The following KLHL3 variants were observed in gnomAD, a reference collection of about 807,000 sequenced individuals.
KLHL3 encodes the protein kelch like family member 3.
Under a neutral mutation model 70.5 loss-of-function variants are expected in KLHL3, and 19 were observed. The observed-to-expected ratio is 0.27, with a 90% confidence interval of 0.19 to 0.40. KLHL3 has a LOEUF of 0.40. Among genes scored for constraint, KLHL3 ranks in the 10% least tolerant of loss-of-function variants. The pLI, the probability that KLHL3 is intolerant of heterozygous loss-of-function variation, is 1.00. For synonymous variants in KLHL3, 258 were observed against 290.3 expected (o/e 0.89, Z 1.13); for missense variants, 512 against 771.1 (o/e 0.66, Z 3.98).
At chr5:137,700,489 G>A (rs997607452) in intron 3 of KLHL3, among the ~76,000 whole-genome samples, 3 of 152,150 alleles carry the variant, frequency 2.0e-5, no homozygotes, top group African/African-American at 7.2e-5. Context: ...TTAGGGTTTT[G>A]TAACTTTGGG....
intron 6 of KLHL3, among the ~76,000 whole-genome samples, chr5:137,668,247 T>C (rs1438206212): frequency 6.6e-6 from 1 of 152,074 alleles, no homozygotes; most frequent in African/African-American, 2.4e-5. Flanking sequence ...CCATCTCTAC[T>C]AAAAACACAA....
intron 6 of KLHL3, chr5:137,674,034 G>C (rs1462474102): frequency 6.6e-6 from 1 of 152,176 alleles, no homozygotes; most frequent in Non-Finnish European, 1.5e-5. Flanking sequence ...ACTAGGAGCA[G>C]TACTAGTAGT....
chr5:137,639,004 C>T lies in KLHL3; in HGVS notation c.1168G>A (p.Ala390Thr). 2 of 1,614,208 alleles carry T rather than the reference C, an allele frequency of 1.2e-6. No individual in the cohort carries two copies. Among genetic ancestry groups the T allele is most frequent in the East Asian group, 2.2e-5 (1 of 44,882 alleles). Residue 390 changes from alanine to threonine, a missense_variant, in exon 10 of 15, where the codon GCG becomes ACG. By Grantham distance (58) the Ala-to-Thr change is moderately conservative. Coordinates refer to ENST00000309755, the MANE Select transcript of KLHL3 (RefSeq NM_017415.3). This position sits in a 1 kb window ranked among gnomAD's most constrained non-coding sequence, Gnocchi z 5.0. The stretch of plus-strand genomic sequence containing the variant: ...GCGTAGAGCAAGTCATTGAGCACCG[C>T]TGCGCCCAGTGTGCTCCGGCGCTCC... ...MQERRSTLGA[A>T]VLNDLLYAVG...
intron 2 of KLHL3, among the ~76,000 whole-genome samples, chr5:137,716,922 A>G (rs1752905295): frequency 6.6e-6 from 1 of 152,192 alleles, no homozygotes; most frequent in South Asian, 2.1e-4. Context: ...CCTTCCCATC[A>G]TGGCTGAGAA....
chr5:137,662,280 CACACAA>C (rs953340436), intron 6 of KLHL3, among the ~76,000 whole-genome samples: 2 of 146,824 alleles, frequency 1.4e-5, no homozygotes, highest in African/African-American at 5.3e-5. Flanking sequence ...CACACACACA[CACACAA>C]GGACAAACCT....
intron 2 of KLHL3, 147 bp downstream of exon 2, chr5:137,720,318 G>A (rs1357383603): frequency 4.5e-6 from 4 of 895,768 alleles, no homozygotes; most frequent in Non-Finnish European, 6.7e-6. Context: ...AAAAAAGAGA[G>A]AAAGAAAGGG....
intron 4 of KLHL3, among the ~76,000 whole-genome samples, chr5:137,693,102 T>A (rs1018264970): frequency 2.6e-5 from 4 of 152,198 alleles, no homozygotes; most frequent in African/African-American, 4.8e-5. Flanking sequence ...TGAACATCTA[T>A]GTGCCAGGCA....
At position 137,633,891 on chromosome 5, in the gene KLHL3, C is replaced by G. The variant is rs1750703428; in HGVS notation, c.1450+146G>C. On this transcript the variant is annotated intron_variant, in intron 12 of 14. Coordinates refer to ENST00000309755, the MANE Select transcript of KLHL3 (RefSeq NM_017415.3). ...GGTCACTATTTGCGTGATGGGTACACTAGAAGCCCAAACTCGACCATTATG... is the reference window on the plus strand; with the variant it reads ...GGTCACTATTTGCGTGATGGGTACAGTAGAAGCCCAAACTCGACCATTATG... The G allele has an allele frequency of 9.4e-6, 10 of 1,065,994 alleles. No individual in the cohort carries two copies. The East Asian group carries it at 2.4e-4, about 25-fold the overall frequency. 66.0% of individuals were successfully genotyped at this position (1,065,994 alleles called of 1,614,324 possible). A position where few individuals can be genotyped will look rare whatever the true frequency, so the allele number is the denominator to read the frequency against.
In KLHL3 at chr5:137,665,293, G is replaced by A. The variant is rs189044063; in HGVS notation, c.637-3262C>T. 3.7e-3 allele frequency among the ~76,000 whole-genome samples: 560 copies of A among 152,212 alleles called. 2 individuals are homozygous for A. Among genetic ancestry groups the A allele is most frequent in the Non-Finnish European group, 6.4e-3 (436 of 68,010 alleles). ...AAATAGCCATAAATGACTTTTGGGG[G>A]ACTAGTAAGAAAATATGACTATCCA... On this transcript the variant is annotated intron_variant, in intron 6 of 14. Coordinates refer to ENST00000309755, the MANE Select transcript of KLHL3 (RefSeq NM_017415.3).
intron 5 of KLHL3, among the ~76,000 whole-genome samples, chr5:137,680,100 A>T (rs1751986486): frequency 6.6e-6 from 1 of 152,192 alleles, no homozygotes. Context: ...GGGAAATAGG[A>T]TTTCCCCAGA....
At chr5:137,734,194 T>G (rs901853204) in intron 1 of KLHL3, among the ~76,000 whole-genome samples, 7 of 152,106 alleles carry the variant, frequency 4.6e-5, no homozygotes, top group African/African-American at 1.7e-4. Flanking sequence ...GCCCAGAATC[T>G]CTAAACCTTC....
At chr5:137,648,075 C>A (rs1751100984) in intron 8 of KLHL3, among the ~76,000 whole-genome samples, 1 of 152,322 alleles carries the variant, frequency 6.6e-6, no homozygotes, top group South Asian at 2.1e-4. Flanking sequence ...TTATTAGCTT[C>A]TAAGGCAGGT....
chr5:137,711,261 T>C (rs564496290), intron 2 of KLHL3, among the ~76,000 whole-genome samples: 69 of 152,316 alleles, frequency 4.5e-4, no homozygotes, highest in African/African-American at 1.6e-3. Context: ...ATCAGAGAAA[T>C]AGAATCATAA....
At chr5:137,665,667 T>C (rs1431718564) in intron 6 of KLHL3, among the ~76,000 whole-genome samples, 1 of 152,188 alleles carries the variant, frequency 6.6e-6, no homozygotes, top group Non-Finnish European at 1.5e-5. Flanking sequence ...ATTTATAGGA[T>C]GGCAGAAAGT....
At chr5:137,638,224 T>C (rs3777379) in intron 10 of KLHL3, among the ~76,000 whole-genome samples, 33,103 of 152,172 alleles carry the variant, frequency 0.22, 4,529 homozygotes, top group Middle Eastern at 0.32. Context: ...CCTGGAATTA[T>C]ATGAGTGAGG....
At chr5:137,623,085 GAA>G (rs929190421) in intron 14 of KLHL3, among the ~76,000 whole-genome samples, 1 of 152,238 alleles carries the variant, frequency 6.6e-6, no homozygotes, top group African/African-American at 2.4e-5. Flanking sequence ...ATAGAAAAGA[GAA>G]GAGAAACCTG....
chr5:137,643,652 G>T (rs1264898185), intron 8 of KLHL3, among the ~76,000 whole-genome samples: 1 of 152,138 alleles, frequency 6.6e-6, no homozygotes, highest in South Asian at 2.1e-4. Flanking sequence ...GTGATGTTTG[G>T]ATACATGCAT....
chr5:137,719,171 G>A (rs1314479259), intron 2 of KLHL3, among the ~76,000 whole-genome samples: 7 of 152,134 alleles, frequency 4.6e-5, no homozygotes, highest in Non-Finnish European at 1.0e-4. Flanking sequence ...TAATTATTGC[G>A]TACCTACCAC....
chr5:137,714,408 A>C (rs2149932021), intron 2 of KLHL3, among the ~76,000 whole-genome samples: 1 of 152,340 alleles, frequency 6.6e-6, no homozygotes, highest in East Asian at 1.9e-4. Flanking sequence ...TATTTATAAT[A>C]GCCAGAAGTC....
Sources: allele counts gnomAD v4.1 joint callset (sites outside exome capture counted in the v4.1 genomes callset), GRCh38; gene constraint gnomAD v4.1.1; non-coding constraint Gnocchi (gnomAD v3.1); transcripts MANE v1.5; gene names NCBI Gene and HGNC (gene_info 2026-07-23, HGNC 2026-07-21).